Variants in FANCI observed in about 807,000 individuals in gnomAD.
The protein encoded by FANCI is FA complementation group I.
In FANCI, 156 loss-of-function variants were observed where a neutral mutation model predicts 176.1. The ratio of observed to expected loss-of-function variants is 0.89; its 90% CI spans 0.78 to 1.01. The LOEUF (loss-of-function observed/expected upper bound fraction) is 1.01, where lower values mean the gene tolerates loss of function less well. FANCI is among the 50% of genes least tolerant of loss of function. FANCI has a pLI of 0.00. For synonymous variants in FANCI, 613 were observed against 541.7 expected (o/e 1.13, Z -1.83); for missense variants, 1,678 against 1,534.1 (o/e 1.09, Z -1.57).
chr15:89,308,673 A>AGT (rs1197032609), intron 34 of FANCI, among the ~76,000 whole-genome samples: 2 of 152,174 alleles, frequency 1.3e-5, no homozygotes, highest in African/African-American at 4.8e-5. Flanking sequence ...AGCTGGGCAC[A>AGT]GTGGCTCATG....
intron 13 of FANCI, among the ~76,000 whole-genome samples, chr15:89,277,629 A>AG (rs2053458480): frequency 6.7e-6 from 1 of 148,894 alleles, no homozygotes; most frequent in South Asian, 2.2e-4. Flanking sequence ...AAAAAAAAAA[A>AG]AAAGAATCAT....
intron 24 of FANCI, among the ~76,000 whole-genome samples, chr15:89,297,000 G>A (rs1396980680): frequency 4.0e-5 from 6 of 151,098 alleles, no homozygotes; most frequent in South Asian, 2.1e-4. Flanking sequence ...CGGACGGGGC[G>A]GCTGGCCTGG....
At chr15:89,269,004 CAG>C (rs1422628201) in intron 10 of FANCI, among the ~76,000 whole-genome samples, 6 of 152,088 alleles carry the variant, frequency 3.9e-5, no homozygotes, top group Non-Finnish European at 7.3e-5. Flanking sequence ...AAATAAAACT[CAG>C]AAGTGTTTTA....
chr15:89,271,359 A>G (rs1185197745), intron 10 of FANCI, among the ~76,000 whole-genome samples: 1 of 152,104 alleles, frequency 6.6e-6, no homozygotes, highest in Non-Finnish European at 1.5e-5. Context: ...TTCTGTCTCT[A>G]TAGATTTACC....
chr15:89,307,993 T>C lies in FANCI; in HGVS notation c.3651+321T>C, dbSNP rs949098696. 5.6e-6 allele frequency: 7 copies of C among 1,252,814 alleles called. No homozygotes were observed. The African/African-American group carries it at 7.7e-5, about 14-fold the overall frequency. The allele number at this position is 1,252,814 out of a possible 1,614,324, so 77.6% of individuals were successfully genotyped here. On this transcript the variant is annotated intron_variant, in intron 34 of 37. Transcript: ENST00000310775. ...AAAGTCCATGCCATGAGGCATCCTC[T>C]GGGAATGTGAGCAGAGTAGCAGCAA... is the stretch of plus-strand genomic sequence containing the variant.
At chr15:89,293,209 G>A (rs904407700) in intron 22 of FANCI, 146 bp downstream of exon 22, 18 of 881,108 alleles carry the variant, frequency 2.0e-5, no homozygotes, top group African/African-American at 3.3e-5. Context: ...AGACTAAACT[G>A]TGTTCTTTCC....
intron 1 of FANCI, among the ~76,000 whole-genome samples, chr15:89,246,377 C>T (rs1255888818): frequency 6.6e-6 from 1 of 152,172 alleles, no homozygotes; most frequent in Admixed American, 6.5e-5. Context: ...GTTCTGTTTC[C>T]TCAAACACTT....
At chr15:89,302,774 C>T (rs970935256) in intron 27 of FANCI, among the ~76,000 whole-genome samples, 1 of 152,230 alleles carries the variant, frequency 6.6e-6, no homozygotes, top group African/African-American at 2.4e-5. Context: ...GGGGTTTCAC[C>T]GTGTTAGCCA....
intron 32 of FANCI, among the ~76,000 whole-genome samples, chr15:89,306,655 G>A (rs941199217): frequency 6.6e-6 from 1 of 152,012 alleles, no homozygotes; most frequent in Non-Finnish European, 1.5e-5. Context: ...TTGTGCCACT[G>A]TACTCCAGCG....
chr15:89,261,638 T>C lies in FANCI; in HGVS notation c.342T>C (p.Ser114=). 1 of 1,614,172 alleles carries C rather than the reference T, an allele frequency of 6.2e-7. No individual in the cohort carries two copies. The highest frequency in any genetic ancestry group is 8.5e-7 in the Non-Finnish European group (1 of 1,179,994). Residue 114 remains serine (S), a synonymous_variant, in exon 5 of 38, where the codon AGT becomes AGC. Transcript: ENST00000310775. Reference sequence around the variant, plus strand: ...TTGAATTAGCCAATGAGTTTATTAGTGCTGTCAGAGAAGGCAGCCTAGTGA... The same window carrying C: ...TTGAATTAGCCAATGAGTTTATTAGCGCTGTCAGAGAAGGCAGCCTAGTGA... ...LLVELANEFI[S]AVREGSLVNG...
In FANCI at chr15:89,299,908, A is replaced by G; in HGVS notation, c.2745A>G (p.Ile915Met). The change falls in exon 25 of 38, where the codon ATA (isoleucine) becomes ATG (methionine). Residue 915 changes from isoleucine (I) to methionine (M), a missense_variant. By Grantham distance (10) the Ile-to-Met change is conservative. Around this residue, in one of 3 missense-constraint regions of FANCI, gnomAD observed 1,204 missense variants for 1,077.4 expected, o/e 1.12. Transcript: ENST00000310775. ...SLLCLEGLQK[I>M]FSAVQQFYQP... Reference sequence around the variant, plus strand: ...TGTGCTTGGAGGGTTTACAGAAAATATTCAGTGCTGTGCAACAGTTCTATC... The same window carrying G: ...TGTGCTTGGAGGGTTTACAGAAAATGTTCAGTGCTGTGCAACAGTTCTATC... 6.2e-7 allele frequency: 1 copy of G among 1,614,120 alleles called. No individual in the cohort carries two copies. The highest frequency in any genetic ancestry group is 8.5e-7 in the Non-Finnish European group (1 of 1,179,994).
At chr15:89,245,765 C>G (rs16942896) in intron 1 of FANCI, 15,256 of 152,028 alleles carry the variant, frequency 0.1, 1,057 homozygotes, top group African/African-American at 0.19. Context: ...GGGTTTTGGA[C>G]TGATAAAGCA....
At chr15:89,245,595 T>C (rs1175195070) in intron 1 of FANCI, among the ~76,000 whole-genome samples, 1 of 151,908 alleles carries the variant, frequency 6.6e-6, no homozygotes, top group African/African-American at 2.4e-5. Context: ...GAAGCAGGAA[T>C]ATTTATTTAA....
At position 89,250,222 on chromosome 15, in the gene FANCI, C is replaced by G. The variant is rs147922623; in HGVS notation, c.84+2491C>G. 4.3e-3 allele frequency among the ~76,000 whole-genome samples: 653 copies of G among 152,270 alleles called. 5 individuals are homozygous for G. Among genetic ancestry groups the G allele is most frequent in the African/African-American group, 0.015 (617 of 41,540 alleles). ...TATACCCAAAGGACTGTAAATCATG[C>G]TGCTATAAAGACACATTCACACGTA... On this transcript the variant is annotated intron_variant, in intron 2 of 37. Coordinates refer to ENST00000310775, the MANE Select transcript of FANCI (RefSeq NM_001113378.2).
chr15:89,306,665 G>T (rs147956427), intron 32 of FANCI, among the ~76,000 whole-genome samples: 1 of 151,964 alleles, frequency 6.6e-6, no homozygotes, highest in Non-Finnish European at 1.5e-5. Flanking sequence ...GTACTCCAGC[G>T]TTGGCAATAG....
rs1042931159 is a variant in FANCI at position 89,311,171 on chromosome 15, A to G, written c.3652-1733A>G. Among the ~76,000 whole-genome samples, 127 of 152,230 alleles carry G rather than the reference A, an allele frequency of 8.3e-4. 1 individual carries two copies. Among genetic ancestry groups the G allele is most frequent in the African/African-American group, 2.9e-3 (122 of 41,528 alleles). ...CTACTCGGGAGGCTGAGGCAGGAGA[A>G]TTGCTTGAACCCGGGAGGTGGAGGT... On this transcript the variant is annotated intron_variant, in intron 34 of 37. Transcript: ENST00000310775.
At position 89,262,004 on chromosome 15, in the gene FANCI, A is replaced by G. The variant is rs1419519151; in HGVS notation, c.503+126A>G. The G allele has an allele frequency of 5.1e-6, 4 of 789,808 alleles. No individual in the cohort carries two copies. The African/African-American group carries it at 6.9e-5, about 14-fold the overall frequency. The allele number at this position is 789,808 out of a possible 1,614,324, so 48.9% of individuals were successfully genotyped here. On this transcript the variant is annotated intron_variant, in intron 6 of 37. Transcript: ENST00000310775. ...TTTTTGTTGTTTTTAATATAACACT[A>G]TAAAACTATTTAGTCTGCAATGAAT...
rs1555446689 is a variant in FANCI at position 89,285,064 on chromosome 15, G to C, written c.1699-32G>C. 3.1e-6 allele frequency: 5 copies of C among 1,613,636 alleles called. No homozygotes were observed. In the South Asian group the frequency reaches 5.5e-5, roughly 18 times the overall value. ...TCCTTATTGGAAACAGCTTTGGTAAGATAGACGTGAATTGGCCTGTCTTCC... is the reference window on the plus strand; with the variant it reads ...TCCTTATTGGAAACAGCTTTGGTAACATAGACGTGAATTGGCCTGTCTTCC... On this transcript the variant is annotated intron_variant, in intron 17 of 37. Transcript: ENST00000310775.
At chr15:89,270,204 G>GCCCACTA (rs2053147554) in intron 10 of FANCI, among the ~76,000 whole-genome samples, 1 of 152,082 alleles carries the variant, frequency 6.6e-6, no homozygotes, top group Non-Finnish European at 1.5e-5. Flanking sequence ...GTTGGATTTG[G>GCCCACTA]CCAACAGGCT....
Sources: allele counts gnomAD v4.1 joint callset (sites outside exome capture counted in the v4.1 genomes callset), GRCh38; gene constraint gnomAD v4.1.1; regional missense constraint gnomAD v4.1.1; transcripts MANE v1.5; gene names NCBI Gene and HGNC (gene_info 2026-07-23, HGNC 2026-07-21).